The following SLC41A3 variants were observed in gnomAD, a reference collection of about 807,000 sequenced individuals.
The protein encoded by SLC41A3 is solute carrier family 41 member 3, also known as SLC41A1-like 2.
Under a neutral mutation model 45.4 loss-of-function variants are expected in SLC41A3, and 44 were observed. That is an observed-to-expected ratio of 0.97 (90% CI 0.76 to 1.25). SLC41A3 has a LOEUF of 1.25. SLC41A3 is among the 50% of genes most tolerant of loss of function. The pLI is 0.00. For synonymous variants in SLC41A3, 256 were observed against 252.4 expected, an observed-to-expected ratio of 1.01 and a Z score of -0.13; for missense variants, 550 against 600.6, an observed-to-expected ratio of 0.92 and a Z score of 0.88.
chr3:126,017,719 A>G (rs1318556049), intron 6 of SLC41A3, among the ~76,000 whole-genome samples: 1 of 152,158 alleles, frequency 6.6e-6, no homozygotes, highest in Admixed American at 6.5e-5. Context: ...AGGGGTACCC[A>G]GGCATGGGTC....
intron 8 of SLC41A3, among the ~76,000 whole-genome samples, chr3:126,013,161 T>C (rs879808488): frequency 1.3e-5 from 2 of 151,894 alleles, no homozygotes; most frequent in African/African-American, 2.4e-5. Flanking sequence ...GCCACAGGCA[T>C]TGACAGGAAA....
chr3:126,096,236 A>G (rs1169214630), intron 1 of SLC41A3, among the ~76,000 whole-genome samples: 2 of 152,226 alleles, frequency 1.3e-5, no homozygotes, highest in Non-Finnish European at 2.9e-5. Flanking sequence ...TTCAATGATT[A>G]TTATGCTTTT....
chr3:126,033,682 G>A lies in SLC41A3; in HGVS notation c.382-4C>T, dbSNP rs1941974068. 1.9e-6 allele frequency: 3 copies of A among 1,611,956 alleles called. No homozygotes were observed. Among genetic ancestry groups the A allele is most frequent in the African/African-American group, 1.3e-5 (1 of 75,010 alleles). Reference sequence around the variant, plus strand: ...CATCAATTTGTCCAGTGTTGGCCTAGAATGAAGAGAAAAGGACAAAGGTAG... The same window carrying A: ...CATCAATTTGTCCAGTGTTGGCCTAAAATGAAGAGAAAAGGACAAAGGTAG... On this transcript the variant is annotated splice_region_variant and splice_polypyrimidine_tract_variant and intron_variant, in intron 3 of 10. Coordinates refer to ENST00000360370, the MANE Select transcript of SLC41A3 (RefSeq NM_017836.4).
chr3:126,045,290 T>C (rs1942887491), intron 3 of SLC41A3, among the ~76,000 whole-genome samples: 1 of 144,126 alleles, frequency 6.9e-6, no homozygotes, highest in Non-Finnish European at 1.5e-5. Flanking sequence ...ATAGCAGGGA[T>C]AAATAAAATA....
chr3:126,049,600 C>T lies in SLC41A3; in HGVS notation c.381+1343G>A, dbSNP rs556466630. Among the ~76,000 whole-genome samples the T allele has an allele frequency of 2.0e-5, 3 of 152,292 alleles. No individual in the cohort carries two copies. The South Asian group carries it at 6.2e-4, about 32-fold the overall frequency. ...ACTGACCAAAACAATTGTGCACACA[C>T]GTATGCATGTGTATACATGAGTTGT... On this transcript the variant is annotated intron_variant, in intron 3 of 10. Transcript: ENST00000360370.
At chr3:126,083,401 A>T (rs1279897373) in intron 1 of SLC41A3, among the ~76,000 whole-genome samples, 2 of 152,232 alleles carry the variant, frequency 1.3e-5, no homozygotes, top group Admixed American at 1.3e-4. Context: ...TGGAAGAAAG[A>T]GGAAAAAATA....
intron 6 of SLC41A3, among the ~76,000 whole-genome samples, chr3:126,021,393 G>A (rs1238800159): frequency 1.3e-5 from 2 of 152,180 alleles, no homozygotes; most frequent in Non-Finnish European, 2.9e-5. Context: ...CCAGAGGAAG[G>A]TCATATACCA....
chr3:126,054,233 C>G (rs1943519988), intron 2 of SLC41A3, among the ~76,000 whole-genome samples: 5 of 152,162 alleles, frequency 3.3e-5, no homozygotes, highest in Non-Finnish European at 7.3e-5. Context: ...ATGTCAAGAA[C>G]AGTCAACGCA....
In SLC41A3 at chr3:126,023,103, G is replaced by A. The variant is rs189055516; in HGVS notation, c.599-171C>T. 7.8e-4 allele frequency: 666 copies of A among 852,708 alleles called. 3 individuals carry two copies. The highest frequency in any genetic ancestry group is 5.1e-3 in the Admixed American group (183 of 36,058). The allele number at this position is 852,708 out of a possible 1,614,324, so 52.8% of individuals were successfully genotyped here. ...AAAGTCCTTGACGTGAAGCCAGGCT[G>A]CCCTGACTTTCAGAGCTTCCCACTA... On this transcript the variant is annotated intron_variant, in intron 5 of 10. Transcript: ENST00000360370.
At chr3:126,088,174 T>A (rs2108125825), upstream of SLC41A3, among the ~76,000 whole-genome samples, 1 of 152,186 alleles carries the variant, frequency 6.6e-6, no homozygotes, top group East Asian at 1.9e-4. Context: ...TAAAATTAGA[T>A]CTTGTAGACC....
chr3:126,006,831 T>G lies in SLC41A3; in HGVS notation c.*185A>C. On this transcript the variant is annotated 3_prime_UTR_variant, in exon 11 of 11. Coordinates refer to ENST00000360370, the MANE Select transcript of SLC41A3 (RefSeq NM_017836.4). ...AGCCATGCTCTTGATTTCAGGGCTC[T>G]ATTGCAGGCTCAGGTATCAACCCCA... The G allele has an allele frequency of 2.1e-6, 3 of 1,453,976 alleles. No individual in the cohort carries two copies. Among genetic ancestry groups the G allele is most frequent in the Non-Finnish European group, 2.7e-6 (3 of 1,109,788 alleles). 90.1% of individuals were successfully genotyped at this position (1,453,976 alleles called of 1,614,324 possible).
chr3:126,011,989 G>C (rs971730579), intron 9 of SLC41A3, among the ~76,000 whole-genome samples: 1 of 152,226 alleles, frequency 6.6e-6, no homozygotes, highest in Admixed American at 6.5e-5. Context: ...GTAGAATCCA[G>C]GTTCCTTCCT....
At chr3:126,075,625 G>A (rs1241062530) in intron 1 of SLC41A3, among the ~76,000 whole-genome samples, 1 of 152,132 alleles carries the variant, frequency 6.6e-6, no homozygotes, top group East Asian at 1.9e-4. Context: ...TATTGGCAAA[G>A]AATAGAAATA....
intron 4 of SLC41A3, among the ~76,000 whole-genome samples, chr3:126,027,563 C>T (rs2107736262): frequency 6.6e-6 from 1 of 152,272 alleles, no homozygotes; most frequent in East Asian, 1.9e-4. Flanking sequence ...CAGACTAACA[C>T]AGAAAAGTGG....
Position 126,014,281 on chromosome 3 carries a change from A to C in SLC41A3, c.970+1213T>G, listed in dbSNP as rs576617730. 1.4e-4 allele frequency among the ~76,000 whole-genome samples: 22 copies of C among 152,182 alleles called. No individual in the cohort carries two copies. The East Asian group carries it at 3.7e-3, about 25-fold the overall frequency. On this transcript the variant is annotated intron_variant, in intron 8 of 10. Transcript: ENST00000360370. ...TTTTAAAAAGAAAAAGGAAAAAAAA[A>C]CCTCAAATTAATTGGTACTGTTTAC...
chr3:126,071,383 TAAC>T (rs1399887019), intron 1 of SLC41A3, among the ~76,000 whole-genome samples: 2 of 152,114 alleles, frequency 1.3e-5, no homozygotes, highest in Non-Finnish European at 2.9e-5. Context: ...TACATATGCC[TAAC>T]AACAAAGCCC....
In SLC41A3 at chr3:126,008,954, G is replaced by A; in HGVS notation, c.1106-74C>T. The A allele has an allele frequency of 1.9e-6, 3 of 1,573,348 alleles. No homozygotes were observed. The South Asian group carries it at 3.4e-5, about 18-fold the overall frequency. On this transcript the variant is annotated intron_variant, in intron 9 of 10. Coordinates refer to ENST00000360370, the MANE Select transcript of SLC41A3 (RefSeq NM_017836.4). ...TTTGGCATGTGACAGTCCTCAGTGA[G>A]GCATCCACACTCACTCATCCATTTA...
upstream of SLC41A3, among the ~76,000 whole-genome samples, chr3:126,087,122 A>G (rs1362704368): frequency 2.0e-5 from 3 of 152,196 alleles, no homozygotes; most frequent in African/African-American, 4.8e-5. Context: ...TTATAAAACT[A>G]TAAAACCCAG....
In SLC41A3 at chr3:126,015,479, C is replaced by A. The variant is rs763139626; in HGVS notation, c.970+15G>T. 1 of 1,613,924 alleles carries A rather than the reference C, an allele frequency of 6.2e-7. No homozygotes were observed. Among genetic ancestry groups the A allele is most frequent in the South Asian group, 1.1e-5 (1 of 91,034 alleles). ...CCCAACCCAGGGACCACATGGGAAC[C>A]CTTCAAATACGTACCACATATGACG... On this transcript the variant is annotated intron_variant, in intron 8 of 10. Transcript: ENST00000360370.
Sources: gnomAD v4.1 joint callset for allele counts (sites outside exome capture counted in the v4.1 genomes callset) on GRCh38, gnomAD v4.1.1 for gene constraint, MANE v1.5 for transcripts, NCBI Gene and HGNC (gene_info 2026-07-23, HGNC 2026-07-21) for gene names.